CNTNAP2: variants seen among roughly 807,000 people sequenced by gnomAD.
CNTNAP2 encodes the protein contactin associated protein 2.
CNTNAP2 carries 98 observed loss-of-function variants against 155.2 expected under a neutral mutation model. The ratio of observed to expected loss-of-function variants is 0.63; its 90% CI spans 0.54 to 0.75. The LOEUF is 0.75. CNTNAP2 is among the 30% of genes least tolerant of loss of function. The pLI, the probability that CNTNAP2 is intolerant of heterozygous loss-of-function variation, is 0.00. For missense variants in CNTNAP2, 1,727 were observed against 1,688.1 expected (o/e 1.02, Z -0.40); for synonymous variants, 651 against 631.2 (o/e 1.03, Z -0.47).
At chr7:146,891,577 G>A (rs546066238) in intron 3 of CNTNAP2, among the ~76,000 whole-genome samples, 1 of 152,212 alleles carries the variant, frequency 6.6e-6, no homozygotes, top group East Asian at 1.9e-4. Flanking sequence ...TTTTTTGGCA[G>A]TCCCAAGTAC....
intron 1 of CNTNAP2, among the ~76,000 whole-genome samples, chr7:146,746,750 A>G (rs987244745): frequency 6.6e-6 from 1 of 152,140 alleles, no homozygotes; most frequent in African/African-American, 2.4e-5. Context: ...ACTTACCATT[A>G]GATCAAAAGC....
intron 13 of CNTNAP2, among the ~76,000 whole-genome samples, chr7:147,699,281 T>C (rs1338284613): frequency 7.0e-6 from 1 of 142,292 alleles, no homozygotes; most frequent in Non-Finnish European, 1.5e-5. Context: ...TAAAAAGGAA[T>C]GAGTTCATGT....
At chr7:148,147,331 C>T (rs952548167) in intron 16 of CNTNAP2, among the ~76,000 whole-genome samples, 160 bp from the exon 17 acceptor site, 1 of 152,190 alleles carries the variant, frequency 6.6e-6, no homozygotes, top group African/African-American at 2.4e-5. Flanking sequence ...TAATGATTGA[C>T]ATTTTATCCT....
chr7:146,552,886 C>T (rs1348122765), intron 1 of CNTNAP2, among the ~76,000 whole-genome samples: 1 of 152,112 alleles, frequency 6.6e-6, no homozygotes, highest in Non-Finnish European at 1.5e-5. Flanking sequence ...TAATTCCCTT[C>T]ACTCCCTTCC....
At chr7:146,250,958 C>T (rs1799746983) in intron 1 of CNTNAP2, among the ~76,000 whole-genome samples, 1 of 152,074 alleles carries the variant, frequency 6.6e-6, no homozygotes. Context: ...GACAAAATAG[C>T]CATTATTTTC....
chr7:146,993,288 G>A (rs1289586181), intron 3 of CNTNAP2, among the ~76,000 whole-genome samples: 2 of 152,088 alleles, frequency 1.3e-5, no homozygotes, highest in African/African-American at 2.4e-5. Context: ...ATGTGCAGTG[G>A]GCTGCTGGCA....
chr7:147,855,177 T>A (rs771089790), intron 13 of CNTNAP2, among the ~76,000 whole-genome samples: 3 of 152,116 alleles, frequency 2.0e-5, no homozygotes, highest in Non-Finnish European at 4.4e-5. Context: ...CTAGTTGGTG[T>A]GTAAAAGTCA....
intron 8 of CNTNAP2, among the ~76,000 whole-genome samples, chr7:147,246,264 C>T (rs9648689): frequency 0.051 from 7,707 of 152,080 alleles, 284 homozygotes; most frequent in Non-Finnish European, 0.076. Flanking sequence ...TGTCTGCTCA[C>T]TAAATATCCT....
At chr7:148,105,641 G>C (rs759796617) in intron 15 of CNTNAP2, among the ~76,000 whole-genome samples, 1 of 151,288 alleles carries the variant, frequency 6.6e-6, no homozygotes, top group African/African-American at 2.4e-5. Context: ...AGGCTGGAGC[G>C]CAATGGCACA....
intron 21 of CNTNAP2, among the ~76,000 whole-genome samples, chr7:148,270,353 G>A (rs575614357): frequency 6.6e-6 from 1 of 152,314 alleles, no homozygotes; most frequent in South Asian, 2.1e-4. Context: ...GTGGCAGTGA[G>A]TTACAGAAAG....
intron 1 of CNTNAP2, among the ~76,000 whole-genome samples, chr7:146,724,707 A>G (rs2129178229): frequency 6.6e-6 from 1 of 150,944 alleles, no homozygotes; most frequent in Non-Finnish European, 1.5e-5. Context: ...AGTAGCTGGG[A>G]TTACAGGCGC....
At chr7:146,747,635 G>A (rs1170479763) in intron 1 of CNTNAP2, among the ~76,000 whole-genome samples, 1 of 152,062 alleles carries the variant, frequency 6.6e-6, no homozygotes, top group Non-Finnish European at 1.5e-5. Context: ...AAAGATCAAA[G>A]TAACCCATTA....
intron 17 of CNTNAP2, among the ~76,000 whole-genome samples, chr7:148,170,900 T>C (rs1805780269): frequency 6.6e-6 from 1 of 152,208 alleles, no homozygotes; most frequent in African/African-American, 2.4e-5. Flanking sequence ...GTAACCCTAC[T>C]GACTACTCCA....
At chr7:148,212,388 A>G (rs922208523) in intron 18 of CNTNAP2, among the ~76,000 whole-genome samples, 32 of 152,220 alleles carry the variant, frequency 2.1e-4, no homozygotes, top group Non-Finnish European at 4.4e-5. Flanking sequence ...CAGATGGCAT[A>G]ATGTATTTCA....
intron 1 of CNTNAP2, among the ~76,000 whole-genome samples, chr7:146,404,530 A>T (rs1795763191): frequency 6.6e-6 from 1 of 152,140 alleles, no homozygotes; most frequent in South Asian, 2.1e-4. Flanking sequence ...TTCCTCCTCC[A>T]ATCCAATTTC....
At chr7:146,291,407 G>A (rs868604189) in intron 1 of CNTNAP2, among the ~76,000 whole-genome samples, 9 of 152,112 alleles carry the variant, frequency 5.9e-5, no homozygotes, top group African/African-American at 1.9e-4. Context: ...TGAAGTTCAC[G>A]TCTCAGTGCC....
chr7:147,472,106 G>A (rs1798230593), intron 10 of CNTNAP2, among the ~76,000 whole-genome samples: 1 of 152,050 alleles, frequency 6.6e-6, no homozygotes, highest in African/African-American at 2.4e-5. Flanking sequence ...GGAGCATGAG[G>A]CAGCAGTGGA....
intron 17 of CNTNAP2, among the ~76,000 whole-genome samples, 174 bp from the exon 18 acceptor site, chr7:148,172,068 T>C (rs890892239): frequency 6.6e-6 from 1 of 152,232 alleles, no homozygotes; most frequent in Non-Finnish European, 1.5e-5. Context: ...TTAGGCCTTA[T>C]AGCCTGCAGG....
chr7:146,921,987 A>G (rs1055117413), intron 3 of CNTNAP2, among the ~76,000 whole-genome samples: 2 of 152,134 alleles, frequency 1.3e-5, no homozygotes, highest in African/African-American at 4.8e-5. Flanking sequence ...TTGAATATAA[A>G]TCCTTCCTTC....
Sources: allele counts gnomAD v4.1 joint callset (sites outside exome capture counted in the v4.1 genomes callset), GRCh38; gene constraint gnomAD v4.1.1; transcripts MANE v1.5; gene names NCBI Gene and HGNC (gene_info 2026-07-23, HGNC 2026-07-21).